Variants in METTL9 observed in about 807,000 individuals in gnomAD.
The protein encoded by METTL9 is methyltransferase 9, His-X-His N1(pi)-histidine, also known as protein-L-histidine N-pros-methyltransferase.
METTL9 carries 10 observed loss-of-function variants against 36.0 expected under a neutral mutation model. That is an observed-to-expected ratio of 0.28 (90% confidence interval 0.17 to 0.47). The LOEUF is 0.47. METTL9 is among the 20% of genes least tolerant of loss of function. METTL9 has a pLI of 0.99. For missense variants in METTL9, 246 were observed against 383.5 expected (o/e 0.64, Z 3.00); for synonymous variants, 175 against 149.7 (o/e 1.17, Z -1.23).
intron 3 of METTL9, among the ~76,000 whole-genome samples, chr16:21,622,737 C>T (rs780783519): frequency 1.2e-4 from 18 of 152,078 alleles, no homozygotes; most frequent in Admixed American, 2.0e-4. Flanking sequence ...TGTTAGTCAC[C>T]TTTTTGTGTT....
At chr16:21,648,458 T>C (rs1966483806) in intron 4 of METTL9, among the ~76,000 whole-genome samples, 1 of 151,102 alleles carries the variant, frequency 6.6e-6, no homozygotes, top group African/African-American at 2.5e-5. Flanking sequence ...CCGCCACTGC[T>C]ACTGTTCCCA....
intron 4 of METTL9, among the ~76,000 whole-genome samples, chr16:21,647,908 G>A (rs1966471330): frequency 2.0e-5 from 3 of 152,188 alleles, no homozygotes; most frequent in Admixed American, 6.5e-5. Flanking sequence ...TGTGTTCAGT[G>A]TGGTAACCTG....
intron 4 of METTL9, among the ~76,000 whole-genome samples, chr16:21,650,681 A>G (rs1483875316): frequency 6.6e-6 from 1 of 152,108 alleles, no homozygotes; most frequent in East Asian, 1.9e-4. Flanking sequence ...GAGAAAACCA[A>G]TTGTAATGAT....
At chr16:21,597,967 C>T (rs1046303118), upstream of METTL9, 1 of 152,188 alleles carries the variant, frequency 6.6e-6, no homozygotes, top group African/African-American at 2.4e-5. Context: ...CACCCTGTGC[C>T]TTTTTGTTTG....
At chr16:21,615,986 G>A (rs1965545748) in intron 2 of METTL9, among the ~76,000 whole-genome samples, 1 of 152,142 alleles carries the variant, frequency 6.6e-6, no homozygotes, top group Non-Finnish European at 1.5e-5. Flanking sequence ...TTCTATGGGG[G>A]CAGAAGATTT....
chr16:21,608,148 C>CAAAAAAAAAA (rs556503146), intron 1 of METTL9, among the ~76,000 whole-genome samples: 2 of 151,128 alleles, frequency 1.3e-5, no homozygotes, highest in Non-Finnish European at 1.5e-5. Flanking sequence ...GACTCCGTCT[C>CAAAAAAAAAA]AAAAAAAACA....
intron 1 of METTL9, among the ~76,000 whole-genome samples, chr16:21,604,730 G>T (rs763481326): frequency 6.6e-6 from 1 of 152,192 alleles, no homozygotes; most frequent in Non-Finnish European, 1.5e-5. Context: ...TGAATCCTTA[G>T]CTGTCAAGCT....
intron 4 of METTL9, among the ~76,000 whole-genome samples, chr16:21,630,125 C>T (rs1372707654): frequency 6.6e-6 from 1 of 152,238 alleles, no homozygotes; most frequent in Admixed American, 6.5e-5. Context: ...TTCTCCAGGT[C>T]CCCACCCGAC....
chr16:21,638,908 G>A (rs910530462), intron 4 of METTL9, among the ~76,000 whole-genome samples: 1 of 152,148 alleles, frequency 6.6e-6, no homozygotes, highest in Non-Finnish European at 1.5e-5. Flanking sequence ...TAGTGTTGGC[G>A]CCTGAAATCA....
intron 4 of METTL9, among the ~76,000 whole-genome samples, chr16:21,626,247 G>C (rs1418000690): frequency 1.3e-5 from 2 of 152,088 alleles, no homozygotes; most frequent in Non-Finnish European, 2.9e-5. Flanking sequence ...GATTGACCTT[G>C]ACTTCAGAAA....
At chr16:21,647,644 C>T (rs1966465891) in intron 4 of METTL9, 5 of 1,025,188 alleles carry the variant, frequency 4.9e-6, no homozygotes, top group Non-Finnish European at 5.5e-6. Context: ...CAGTGGTCCT[C>T]ACTTGCCCCA....
intron 4 of METTL9, among the ~76,000 whole-genome samples, chr16:21,651,041 G>A (rs1048961643): frequency 1.3e-5 from 2 of 152,156 alleles, no homozygotes; most frequent in South Asian, 4.1e-4. Context: ...GGCTAACACG[G>A]TGAAACGCTG....
upstream of METTL9, among the ~76,000 whole-genome samples, chr16:21,598,543 C>T (rs1205723358): frequency 6.6e-6 from 1 of 152,068 alleles, no homozygotes; most frequent in African/African-American, 2.4e-5. Flanking sequence ...AAAGCACTTT[C>T]CAAACAAACC....
chr16:21,607,775 G>T (rs180950905), intron 1 of METTL9, among the ~76,000 whole-genome samples: 1 of 152,192 alleles, frequency 6.6e-6, no homozygotes, highest in Non-Finnish European at 1.5e-5. Context: ...TCCTGTCAGT[G>T]TGTGAATTTA....
chr16:21,655,528 G>T lies in METTL9; in HGVS notation c.*96G>T, dbSNP rs1041965901. The T allele has an allele frequency of 2.0e-6, 2 of 1,015,100 alleles. No individual in the cohort carries two copies. The highest frequency in any genetic ancestry group is 3.2e-5 in the South Asian group (2 of 62,622). 62.9% of individuals were successfully genotyped at this position (1,015,100 alleles called of 1,614,324 possible). Reference sequence around the variant, plus strand: ...CAATTACGTGAAGGGAGGACCCTTGGGGACCGCCATTCTAAATATCATGTA... The same window carrying T: ...CAATTACGTGAAGGGAGGACCCTTGTGGACCGCCATTCTAAATATCATGTA... On this transcript the variant is annotated 3_prime_UTR_variant, in exon 5 of 5. Coordinates refer to ENST00000358154, the MANE Select transcript of METTL9 (RefSeq NM_016025.5).
chr16:21,616,845 G>A (rs1597750734), intron 2 of METTL9, among the ~76,000 whole-genome samples: 1 of 151,770 alleles, frequency 6.6e-6, no homozygotes, highest in East Asian at 1.9e-4. Flanking sequence ...TGGTTTCTCT[G>A]CTACTGTGGT....
chr16:21,611,508 T>C lies in METTL9; in HGVS notation c.166-1137T>C, dbSNP rs1016502233. On this transcript the variant is annotated intron_variant, in intron 1 of 4. Coordinates refer to ENST00000358154, the MANE Select transcript of METTL9 (RefSeq NM_016025.5). Reference sequence around the variant, plus strand: ...GATAATGGGTTAATAATAATTGATATACTTTGTAGTTTCATCACTGTACTT... The same window carrying C: ...GATAATGGGTTAATAATAATTGATACACTTTGTAGTTTCATCACTGTACTT... 8.5e-5 allele frequency among the ~76,000 whole-genome samples: 13 copies of C among 152,236 alleles called. No individual in the cohort carries two copies. The South Asian group carries it at 1.0e-3, about 12-fold the overall frequency.
chr16:21,650,508 CAAAA>C (rs3046229), intron 4 of METTL9, among the ~76,000 whole-genome samples: 3 of 89,980 alleles, frequency 3.3e-5, no homozygotes, highest in Admixed American at 1.2e-4. Context: ...ACTCTTGTCT[CAAAA>C]AAAAAAAAAA....
chr16:21,615,456 T>C (rs1048663277), intron 2 of METTL9, among the ~76,000 whole-genome samples: 1 of 152,060 alleles, frequency 6.6e-6, no homozygotes, highest in African/African-American at 2.4e-5. Context: ...CTCAAACACC[T>C]GGTTTCAAGA....
Sources: gnomAD v4.1 joint callset for allele counts (sites outside exome capture counted in the v4.1 genomes callset) on GRCh38, gnomAD v4.1.1 for gene constraint, MANE v1.5 for transcripts, NCBI Gene and HGNC (gene_info 2026-07-23, HGNC 2026-07-21) for gene names.